NXPE4: variants seen among roughly 807,000 people sequenced by gnomAD.
NXPE4 encodes the protein NXPE family member 4.
A neutral mutation model predicts 33.3 loss-of-function variants in NXPE4; 42 were observed. The observed-to-expected ratio is 1.26, with a 90% CI of 0.98 to 1.63. The LOEUF (loss-of-function observed/expected upper bound fraction) is 1.63. Among genes scored for constraint, NXPE4 ranks in the 40% most tolerant of loss-of-function variants. The probability of loss-of-function intolerance (pLI) is 0.00; values close to 1 mark genes in which losing one functional copy is unlikely to be tolerated. For missense variants in NXPE4, 709 were observed against 647.6 expected (o/e 1.09, Z -1.03); for synonymous variants, 253 against 234.9 (o/e 1.08, Z -0.71).
At chr11:114,622,526 A>G in the NXPE4 span, among the ~76,000 whole-genome samples, 1 of 151,246 alleles carries the variant, frequency 6.6e-6, no homozygotes, top group Non-Finnish European at 1.5e-5. Flanking sequence ...CTCATGGGTA[A>G]CCACTGTTAC....
the NXPE4 span, among the ~76,000 whole-genome samples, chr11:114,632,149 G>T: frequency 2.1e-5 from 3 of 140,698 alleles, no homozygotes; most frequent in African/African-American, 7.8e-5. Flanking sequence ...AATTTATTAT[G>T]TTATAAATAA....
At chr11:114,612,796 G>A in the NXPE4 span, among the ~76,000 whole-genome samples, 1 of 151,528 alleles carries the variant, frequency 6.6e-6, no homozygotes, top group African/African-American at 2.4e-5. Flanking sequence ...TGGATAATAA[G>A]TGTTGCCTCG....
chr11:114,633,230 A>G, the NXPE4 span, among the ~76,000 whole-genome samples: 1 of 133,554 alleles, frequency 7.5e-6, no homozygotes, highest in African/African-American at 2.8e-5. Context: ...ATATATAAAT[A>G]TATGTAACAT....
chr11:114,654,744 G>A, the NXPE4 span, among the ~76,000 whole-genome samples: 4 of 151,998 alleles, frequency 2.6e-5, no homozygotes, highest in East Asian at 1.9e-4. Context: ...ACTTGGTTCC[G>A]TGTCATTGCT....
the NXPE4 span, among the ~76,000 whole-genome samples, chr11:114,676,746 C>T: frequency 2.0e-5 from 3 of 151,982 alleles, no homozygotes; most frequent in African/African-American, 4.8e-5. Context: ...CCAGCAATCC[C>T]GCTAATGGGT....
At chr11:114,632,083 T>A in the NXPE4 span, among the ~76,000 whole-genome samples, 1 of 145,094 alleles carries the variant, frequency 6.9e-6, no homozygotes, top group African/African-American at 2.5e-5. Flanking sequence ...TATAATATTA[T>A]TATATTGTAA....
the NXPE4 span, among the ~76,000 whole-genome samples, chr11:114,652,292 A>C: frequency 6.6e-6 from 1 of 152,210 alleles, no homozygotes; most frequent in Non-Finnish European, 1.5e-5. Context: ...TGATGCCCTT[A>C]AGGCATCCTG....
At chr11:114,615,299 T>G in the NXPE4 span, among the ~76,000 whole-genome samples, 1 of 151,964 alleles carries the variant, frequency 6.6e-6, no homozygotes, top group Non-Finnish European at 1.5e-5. Context: ...TGGTGGATGA[T>G]AAATATTGCC....
chr11:114,627,001 G>A, the NXPE4 span, among the ~76,000 whole-genome samples: 3 of 152,044 alleles, frequency 2.0e-5, no homozygotes, highest in African/African-American at 4.8e-5. Context: ...CAAAGCCTCC[G>A]AGAAATATGG....
the NXPE4 span, among the ~76,000 whole-genome samples, chr11:114,632,320 T>C: frequency 7.3e-6 from 1 of 136,392 alleles, no homozygotes; most frequent in East Asian, 2.0e-4. Context: ...ATACTTATTA[T>C]CCACTGGGTA....
the NXPE4 span, among the ~76,000 whole-genome samples, chr11:114,629,747 G>T: frequency 6.6e-6 from 1 of 151,354 alleles, no homozygotes; most frequent in Admixed American, 6.6e-5. Flanking sequence ...GTTTGCAGAC[G>T]ACATGATTGT....
At chr11:114,609,138 T>C in the NXPE4 span, among the ~76,000 whole-genome samples, 24,332 of 151,654 alleles carry the variant, frequency 0.16, 2,378 homozygotes, top group Non-Finnish European at 0.22. Context: ...TAATAAGTAT[T>C]GCCTCGTGGG....
At chr11:114,656,676 C>T in the NXPE4 span, among the ~76,000 whole-genome samples, 2 of 151,906 alleles carry the variant, frequency 1.3e-5, no homozygotes, top group Non-Finnish European at 2.9e-5. Flanking sequence ...CACAAGCACT[C>T]CTTTACACCA....
At chr11:114,619,731 G>T in the NXPE4 span, among the ~76,000 whole-genome samples, 15 of 152,196 alleles carry the variant, frequency 9.9e-5, no homozygotes, top group East Asian at 2.9e-3. Context: ...CTGTTACCCT[G>T]TGGTTAATAA....
the NXPE4 span, among the ~76,000 whole-genome samples, chr11:114,602,654 C>G: frequency 7.1e-6 from 1 of 141,024 alleles, no homozygotes; most frequent in African/African-American, 2.6e-5. Context: ...ATAATTTTCT[C>G]ATATATAATA....
chr11:114,601,777 A>C, the NXPE4 span, among the ~76,000 whole-genome samples: 1 of 73,264 alleles, frequency 1.4e-5, no homozygotes, highest in African/African-American at 5.5e-5. Context: ...ATATATTATA[A>C]TTATATAACA....
At chr11:114,651,771 G>T in the NXPE4 span, among the ~76,000 whole-genome samples, 1 of 152,122 alleles carries the variant, frequency 6.6e-6, no homozygotes, top group African/African-American at 2.4e-5. Flanking sequence ...GTGCTGATTG[G>T]TGTGTTTACA....
the NXPE4 span, among the ~76,000 whole-genome samples, chr11:114,602,865 T>C: frequency 4.1e-5 from 6 of 147,158 alleles, no homozygotes; most frequent in South Asian, 1.3e-3. Context: ...AATTATCTCA[T>C]ATATAATTAT....
chr11:114,658,874 A>G, the NXPE4 span, among the ~76,000 whole-genome samples: 1 of 152,204 alleles, frequency 6.6e-6, no homozygotes, highest in African/African-American at 2.4e-5. Context: ...TCATTCTCCC[A>G]GTAGGCTAGG....
Sources: allele counts gnomAD v4.1 joint callset (sites outside exome capture counted in the v4.1 genomes callset), GRCh38; gene constraint gnomAD v4.1.1; transcripts MANE v1.5; gene names NCBI Gene and HGNC (gene_info 2026-07-23, HGNC 2026-07-21).